The following DLC1 variants were observed in gnomAD, a reference collection of about 807,000 sequenced individuals.
DLC1 encodes the protein DLC1 Rho GTPase activating protein, also known as rho GTPase-activating protein 7.
DLC1 carries 54 observed loss-of-function variants against 140.3 expected under a neutral mutation model. The ratio of observed to expected loss-of-function variants is 0.38; its 90% CI spans 0.31 to 0.48. The LOEUF (loss-of-function observed/expected upper bound fraction) is 0.48, where lower values mean the gene tolerates loss of function less well. Among genes scored for constraint, DLC1 ranks in the 20% least tolerant of loss-of-function variants. DLC1 has a pLI of 0.96. For missense variants in DLC1, 2,536 were observed against 1,907.0 expected (o/e 1.33, Z -6.14); for synonymous variants, 986 against 728.1 (o/e 1.35, Z -5.70).
intron 2 of DLC1, among the ~76,000 whole-genome samples, chr8:13,430,498 C>A (rs532396529): frequency 1.3e-5 from 2 of 152,178 alleles, no homozygotes; most frequent in African/African-American, 4.8e-5. Flanking sequence ...AAGCTATTGC[C>A]CTCATTTTCA....
chr8:13,184,438 T>C (rs1031167881), intron 5 of DLC1, among the ~76,000 whole-genome samples: 2 of 152,196 alleles, frequency 1.3e-5, no homozygotes, highest in Non-Finnish European at 2.9e-5. Context: ...GGGCATTTAG[T>C]GCTAGAAATT....
chr8:13,549,672 G>A (rs1803778449), intron 1 of DLC1, among the ~76,000 whole-genome samples: 1 of 152,090 alleles, frequency 6.6e-6, no homozygotes. Flanking sequence ...GAAAAGAACA[G>A]GTTGATTGAA....
chr8:13,484,003 C>G (rs754679599), intron 2 of DLC1, among the ~76,000 whole-genome samples: 19 of 152,114 alleles, frequency 1.2e-4, no homozygotes, highest in Admixed American at 8.5e-4. Context: ...TCGATTGAAC[C>G]TGGGAGGCAG....
intron 3 of DLC1, among the ~76,000 whole-genome samples, chr8:13,396,782 C>T (rs1435429643): frequency 6.6e-6 from 1 of 152,138 alleles, no homozygotes; most frequent in African/African-American, 2.4e-5. Flanking sequence ...ATTTTCTCTT[C>T]TGTTCTCTGT....
chr8:13,347,731 A>G (rs1298089418), intron 4 of DLC1, among the ~76,000 whole-genome samples: 1 of 152,192 alleles, frequency 6.6e-6, no homozygotes, highest in African/African-American at 2.4e-5. Context: ...GCACAGAAGC[A>G]TGAATAACTC....
intron 2 of DLC1, among the ~76,000 whole-genome samples, chr8:13,430,057 G>A (rs953509481): frequency 1.3e-5 from 2 of 152,122 alleles, no homozygotes; most frequent in African/African-American, 4.8e-5. Context: ...GCCACACCCT[G>A]GAACAATTAT....
At chr8:13,099,310 A>G (rs2128936225) in intron 9 of DLC1, 37 bp downstream of exon 9, 1 of 1,582,984 alleles carries the variant, frequency 6.3e-7, no homozygotes, top group Non-Finnish European at 8.6e-7. Context: ...TCTGACCCCC[A>G]GTGCCCCACA....
chr8:13,094,707 T>C (rs1818359902), intron 12 of DLC1, 52 bp downstream of exon 12: 2 of 1,603,940 alleles, frequency 1.2e-6, no homozygotes, highest in East Asian at 4.5e-5. Context: ...CAAGCTTCAG[T>C]TGGTCCCATT....
chr8:13,282,374 A>G (rs1309899608), intron 5 of DLC1, among the ~76,000 whole-genome samples: 1 of 152,204 alleles, frequency 6.6e-6, no homozygotes, highest in Non-Finnish European at 1.5e-5. Context: ...GAGGATGTAG[A>G]GATGCCCTCA....
chr8:13,326,013 G>C (rs1586142283), intron 4 of DLC1, among the ~76,000 whole-genome samples: 1 of 138,568 alleles, frequency 7.2e-6, no homozygotes, highest in Non-Finnish European at 1.5e-5. Flanking sequence ...CAGTAATGGT[G>C]CTGCGCTATT....
chr8:13,438,849 A>G (rs1839237538), intron 2 of DLC1, among the ~76,000 whole-genome samples: 1 of 152,172 alleles, frequency 6.6e-6, no homozygotes, highest in Non-Finnish European at 1.5e-5. Context: ...GAAACGCAAT[A>G]TCCTTTGCAA....
intron 2 of DLC1, among the ~76,000 whole-genome samples, chr8:13,470,786 G>T (rs975662983): frequency 9.9e-5 from 15 of 152,148 alleles, no homozygotes; most frequent in Admixed American, 9.8e-4. Flanking sequence ...ATATACAAAG[G>T]AAAGGAAATC....
chr8:13,599,955 G>T (rs78456970), intron 1 of DLC1, among the ~76,000 whole-genome samples: 3 of 151,844 alleles, frequency 2.0e-5, no homozygotes, highest in Non-Finnish European at 4.4e-5. Context: ...TATCATTCAG[G>T]TTTAGCATCT....
chr8:13,130,628 G>T (rs1195346800), intron 5 of DLC1, among the ~76,000 whole-genome samples: 2 of 152,156 alleles, frequency 1.3e-5, no homozygotes, highest in African/African-American at 2.4e-5. Context: ...TTCATAGTTA[G>T]CAATAGTTAA....
In DLC1 at chr8:13,099,782, C is replaced by A. The variant is rs1382790646; in HGVS notation, c.2555G>T (p.Arg852Met). Residue 852 changes from arginine (R) to methionine (M), a missense_variant, in exon 9 of 18, where the codon AGG becomes ATG. Coordinates refer to ENST00000276297, the MANE Select transcript of DLC1 (RefSeq NM_182643.3). ...GGGGCTGTCGCTACTGTTTTCCCTC[C>A]TGAGGCTGATGTGGCCAGGGCCGTG... ...SFHGPGHISL[R>M]RENSSDSPKE... is the part of the protein sequence containing the mutation. The A allele has an allele frequency of 6.2e-7, 1 of 1,614,170 alleles. No homozygotes were observed. The highest frequency in any genetic ancestry group is 1.1e-5 in the South Asian group (1 of 91,072).
At chr8:13,504,828 A>T (rs1406257947) in intron 1 of DLC1, among the ~76,000 whole-genome samples, 1 of 152,160 alleles carries the variant, frequency 6.6e-6, no homozygotes, top group Non-Finnish European at 1.5e-5. Flanking sequence ...ACCCCAAATT[A>T]AAAAATAAAC....
At position 13,153,244 on chromosome 8, in the gene DLC1, G is replaced by T. The variant is rs1268321719; in HGVS notation, c.1349-37587C>A. On this transcript the variant is annotated intron_variant, in intron 5 of 17. Transcript: ENST00000276297. ...GGGTTCGTGGTCTCGCAGGCTTCTG[G>T]AGTGAAGCTGCTGATCTTCGCTGTG... 4.6e-5 allele frequency among the ~76,000 whole-genome samples: 7 copies of T among 152,276 alleles called. No homozygotes were observed. In the South Asian group the frequency reaches 1.0e-3, roughly 23 times the overall value.
chr8:13,356,402 C>A (rs1359997430), intron 4 of DLC1, among the ~76,000 whole-genome samples: 1 of 151,988 alleles, frequency 6.6e-6, no homozygotes, highest in African/African-American at 2.4e-5. Flanking sequence ...TACAGTTTGC[C>A]TCAATTGATA....
At chr8:13,172,327 A>G (rs994669113) in intron 5 of DLC1, among the ~76,000 whole-genome samples, 2 of 152,226 alleles carry the variant, frequency 1.3e-5, no homozygotes, top group Non-Finnish European at 2.9e-5. Flanking sequence ...GGAAACTTCC[A>G]AAAAAGAAAA....
Sources: gnomAD v4.1 joint callset for allele counts (sites outside exome capture counted in the v4.1 genomes callset) on GRCh38, gnomAD v4.1.1 for gene constraint, MANE v1.5 for transcripts, NCBI Gene and HGNC (gene_info 2026-07-23, HGNC 2026-07-21) for gene names.